HYI: variants seen among roughly 807,000 people sequenced by gnomAD.
HYI encodes the protein putative hydroxypyruvate isomerase.
HYI carries 47 observed loss-of-function variants against 39.7 expected under a neutral mutation model. That is an observed-to-expected ratio of 1.18 (90% CI 0.94 to 1.51). HYI has a LOEUF of 1.51. Ranked by LOEUF, HYI falls within the 40% of genes most tolerant of loss-of-function variation. The probability of loss-of-function intolerance (pLI) is 0.00; values close to 1 mark genes in which losing one functional copy is unlikely to be tolerated. For synonymous variants in HYI, 186 were observed against 158.8 expected (o/e 1.17, Z -1.29); for missense variants, 465 against 370.3 (o/e 1.26, Z -2.10).
intron 6 of HYI, 23 bp downstream of exon 6, chr1:43,451,625 A>G: frequency 6.2e-7 from 1 of 1,613,778 alleles, no homozygotes; most frequent in South Asian, 1.1e-5. Flanking sequence ...AAAGGGTGGG[A>G]GGGCAAAGGA....
At chr1:43,453,046 T>C in intron 2 of HYI, 1 of 1,265,662 alleles carries the variant, frequency 7.9e-7, no homozygotes, top group Non-Finnish European at 1.1e-6. Context: ...AGCAGCTTTC[T>C]CTGATCCAGA....
Position 43,453,478 on chromosome 1 carries a change from T to C in HYI, c.219A>G (p.Glu73=). The change falls in exon 2 of 8, where the codon GAA becomes GAG. Residue 73 remains glutamate, a synonymous_variant. Transcript: ENST00000372430. The part of the protein sequence containing the change: ...NTPPGDQEKG[E]MGLGAVPGRQ... ...TCCCGGGGACGGCCCCCAGCCCCAT[T>C]TCCCCCTTCTCTTGGTCTCCTGCAG... 1 of 1,559,516 alleles carries C rather than the reference T, an allele frequency of 6.4e-7. No individual in the cohort carries two copies. Among genetic ancestry groups the C allele is most frequent in the Non-Finnish European group, 8.7e-7 (1 of 1,150,944 alleles).
downstream of HYI, chr1:43,450,940 T>C (rs546515627): frequency 1.3e-6 from 1 of 757,896 alleles, no homozygotes; most frequent in East Asian, 2.5e-5. The surrounding 1 kb of genome is among the most constrained non-coding windows in gnomAD (Gnocchi z 4.3). Context: ...ACACCTGGGT[T>C]CCAATCCCAG....
chr1:43,452,126 G>A (rs41270371), intron 3 of HYI, 79 bp downstream of exon 3: 55,435 of 1,485,868 alleles, frequency 0.037, 1,244 homozygotes, highest in Non-Finnish European at 0.042. Flanking sequence ...GCAGCCTCAC[G>A]TGCTGTCCCC....
chr1:43,453,259 G>C, intron 2 of HYI, 127 bp downstream of exon 2: 2 of 676,964 alleles, frequency 3.0e-6, no homozygotes, highest in South Asian at 3.7e-5. Context: ...AAAGGACCAG[G>C]ACCGCAGAGG....
chr1:43,451,772 T>C (rs371712799), intron 5 of HYI, 26 bp downstream of exon 5: 12 of 1,613,912 alleles, frequency 7.4e-6, no homozygotes, highest in African/African-American at 6.7e-5. Context: ...CTCCTTCCGA[T>C]CTGCGAAGTA....
chr1:43,453,535 C>T (rs762356994), intron 1 of HYI, 38 bp from the exon 2 acceptor site: 2 of 1,523,616 alleles, frequency 1.3e-6, no homozygotes, highest in African/African-American at 1.4e-5. Flanking sequence ...GGCTCGGACA[C>T]TCCCCTGCCC....
Position 43,451,852 on chromosome 1 carries a change from AAG to A in HYI, c.506-7_506-6del. ...CCTTCTGTAAGATGGCTGCCGCTGT[AAG>A]AGAAGCCAGGGAGGGGACCGTGAGC... On this transcript the variant is annotated splice_polypyrimidine_tract_variant and splice_region_variant and intron_variant, in intron 4 of 7. Transcript: ENST00000372430. The A allele has an allele frequency of 6.2e-7, 1 of 1,614,088 alleles. No individual in the cohort carries two copies. The highest frequency in any genetic ancestry group is 8.5e-7 in the Non-Finnish European group (1 of 1,179,988).
At chr1:43,452,086 G>C in intron 3 of HYI, 73 bp from the exon 4 acceptor site, 1 of 1,527,806 alleles carries the variant, frequency 6.5e-7, no homozygotes, top group South Asian at 1.2e-5. Context: ...CACTGGTCAA[G>C]GCCCTCACCT....
rs187122906 is a variant in HYI, at chr1:43,453,917, G to A, written c.-124C>T. 1,003 of 1,209,100 alleles carry A rather than the reference G, an allele frequency of 8.3e-4. 21 individuals are homozygous for A. The East Asian group carries it at 0.018, about 22-fold the overall frequency. 74.9% of individuals were successfully genotyped at this position (1,209,100 alleles called of 1,614,324 possible). A position where few individuals can be genotyped will look rare whatever the true frequency, so the allele number is the denominator to read the frequency against. ...TGCGAACGAACGAGCACTGTTCGTGGTTAGAAAAGCGAAGTGCTGTAAAAA... is the reference window on the plus strand; with the variant it reads ...TGCGAACGAACGAGCACTGTTCGTGATTAGAAAAGCGAAGTGCTGTAAAAA... On this transcript the variant is annotated 5_prime_UTR_variant, in exon 1 of 8. Coordinates refer to ENST00000372430, the MANE Select transcript of HYI (RefSeq NM_001190880.3).
chr1:43,450,715 C>A, downstream of HYI: 1 of 714,824 alleles, frequency 1.4e-6, no homozygotes, highest in Non-Finnish European at 2.4e-6. The surrounding 1 kb of genome is among the most constrained non-coding windows in gnomAD (Gnocchi z 4.3). Context: ...AGAGTCAGGT[C>A]AACCCCGAGG....
At chr1:43,453,156 T>A in intron 2 of HYI, 1 of 663,574 alleles carries the variant, frequency 1.5e-6, no homozygotes, top group South Asian at 1.8e-5. Context: ...CTAGGCAGAC[T>A]GAGCTCCCAG....
In HYI at chr1:43,451,786, C is replaced by A. The variant is rs769920924; in HGVS notation, c.555+12G>T. ...CCTCCTTCCGATCTGCGAAGTACCC[C>A]CTTCCACTTACCATTTGTAATTGGA... On this transcript the variant is annotated intron_variant, in intron 5 of 7. Transcript: ENST00000372430. 6.2e-7 allele frequency: 1 copy of A among 1,614,120 alleles called. No homozygotes were observed. Among genetic ancestry groups the A allele is most frequent in the Non-Finnish European group, 8.5e-7 (1 of 1,179,984 alleles).
chr1:43,453,669 G>C lies in HYI; in HGVS notation c.125C>G (p.Ala42Gly). The change falls in exon 1 of 8, where the codon GCG (alanine) becomes GGG (glycine). Residue 42 changes from alanine to glycine, a missense_variant. Physicochemically the swap from Ala to Gly is moderately conservative, Grantham distance 60. Coordinates refer to ENST00000372430, the MANE Select transcript of HYI (RefSeq NM_001190880.3). ...FEAVEVAWPYAETPEALARAA... is the reference protein window; with the variant it reads ...FEAVEVAWPYGETPEALARAA... ...GCGCGCCAGCGCCTCAGGCGTCTCC[G>C]CGTACGGCCAGGCCACCTCGACGGC... 1 of 1,480,830 alleles carries C rather than the reference G, an allele frequency of 6.8e-7. No individual in the cohort carries two copies. The highest frequency in any genetic ancestry group is 8.9e-7 in the Non-Finnish European group (1 of 1,123,942). 91.7% of individuals were successfully genotyped at this position (1,480,830 alleles called of 1,614,324 possible).
rs1656488101 is a variant in HYI, at chr1:43,451,995, G to A, written c.445C>T (p.Leu149=). Residue 149 remains leucine (L), a synonymous_variant, in exon 4 of 8, where the codon CTG becomes TTG. Transcript: ENST00000372430. ...GTGATGCGGGTGTTGATGGGCTCCA[G>A]CAGTCCCACGAGGTCCTCCTAGCAG... is the stretch of plus-strand genomic sequence containing the variant. ...VLAQEDLVGL[L]EPINTRITDP... The A allele has an allele frequency of 6.2e-7, 1 of 1,610,072 alleles. No homozygotes were observed. The highest frequency in any genetic ancestry group is 1.3e-5 in the African/African-American group (1 of 74,968).
chr1:43,450,831 C>T (rs772852836), downstream of HYI: 1 of 709,348 alleles, frequency 1.4e-6, no homozygotes, highest in Non-Finnish European at 2.6e-6. This position sits in a 1 kb window ranked among gnomAD's most constrained non-coding sequence, Gnocchi z 4.3. Flanking sequence ...CTGAATCCTG[C>T]CCCCTAGCCT....
intron 2 of HYI, chr1:43,452,986 C>T: frequency 1.3e-6 from 2 of 1,598,182 alleles, no homozygotes; most frequent in Non-Finnish European, 1.7e-6. Flanking sequence ...ACTTCCTGCC[C>T]ATCAAGCAAT....
chr1:43,452,752 G>C, intron 2 of HYI: 1 of 754,166 alleles, frequency 1.3e-6, no homozygotes, highest in Admixed American at 2.2e-5. Context: ...CCTCTTGCCA[G>C]TTCCTTCTGA....
chr1:43,451,749 C>G, intron 5 of HYI, 32 bp from the exon 6 acceptor site: 1 of 1,613,730 alleles, frequency 6.2e-7, no homozygotes, highest in Non-Finnish European at 8.5e-7. Flanking sequence ...TCCGAGACCC[C>G]GCAGGCCCCG....
Sources: gnomAD v4.1 joint callset for allele counts on GRCh38, gnomAD v4.1.1 for gene constraint, Gnocchi (gnomAD v3.1) non-coding constraint, MANE v1.5 for transcripts, NCBI Gene and HGNC (gene_info 2026-07-23, HGNC 2026-07-21) for gene names.